The following NRG3 variants were observed in gnomAD, a reference collection of about 807,000 sequenced individuals.
NRG3 encodes pro-neuregulin-3, membrane-bound isoform.
A neutral mutation model predicts 66.9 loss-of-function variants in NRG3; 31 were observed. That is an observed-to-expected ratio of 0.46 (90% CI 0.35 to 0.63). NRG3 has a LOEUF of 0.63. Ranked by LOEUF, NRG3 falls within the 20% of genes least tolerant of loss-of-function variation. NRG3 has a pLI of 0.00. For missense variants in NRG3, 910 were observed against 878.9 expected (o/e 1.04, Z -0.45); for synonymous variants, 393 against 359.4 (o/e 1.09, Z -1.06).
At chr10:81,879,145 C>G (rs1196502932) in intron 1 of NRG3, among the ~76,000 whole-genome samples, 1 of 152,202 alleles carries the variant, frequency 6.6e-6, no homozygotes, top group East Asian at 1.9e-4. Flanking sequence ...CCAAAACTTT[C>G]TTCAGCGTTC....
Position 82,394,662 on chromosome 10 carries a change from A to G in NRG3, c.953+35794A>G, listed in dbSNP as rs193102659. Reference sequence around the variant, plus strand: ...ATATCAGCAGTATTTTATTAAAACCATTAGTAAAATACAGAGAATATCTAA... The same window carrying G: ...ATATCAGCAGTATTTTATTAAAACCGTTAGTAAAATACAGAGAATATCTAA... On this transcript the variant is annotated intron_variant, in intron 2 of 8. Transcript: ENST00000372141. Among the ~76,000 whole-genome samples the G allele has an allele frequency of 2.0e-4, 30 of 152,304 alleles. No homozygotes were observed. The East Asian group carries it at 4.4e-3, about 23-fold the overall frequency.
At chr10:82,982,479 T>C (rs949349618) in intron 8 of NRG3, among the ~76,000 whole-genome samples, 1 of 152,194 alleles carries the variant, frequency 6.6e-6, no homozygotes, top group African/African-American at 2.4e-5. Flanking sequence ...TTGAATCCTC[T>C]GACTCAGAAT....
intron 2 of NRG3, among the ~76,000 whole-genome samples, chr10:82,477,662 G>T (rs1841902167): frequency 6.6e-6 from 1 of 152,202 alleles, no homozygotes; most frequent in South Asian, 2.1e-4. Flanking sequence ...GCAGGCAAGA[G>T]ATGAGAACAG....
At chr10:81,925,141 A>G (rs140238048) in intron 1 of NRG3, among the ~76,000 whole-genome samples, 111 of 152,334 alleles carry the variant, frequency 7.3e-4, no homozygotes, top group African/African-American at 2.5e-3. Context: ...ACCACCAATT[A>G]TACTGGCAGA....
chr10:82,365,705 A>G (rs2084476065), intron 2 of NRG3, among the ~76,000 whole-genome samples: 1 of 152,028 alleles, frequency 6.6e-6, no homozygotes, highest in Non-Finnish European at 1.5e-5. Flanking sequence ...TTTAAGTATC[A>G]TGCAAAAAAA....
At chr10:82,209,951 A>G (rs907346847) in intron 1 of NRG3, among the ~76,000 whole-genome samples, 4 of 152,170 alleles carry the variant, frequency 2.6e-5, no homozygotes, top group African/African-American at 9.7e-5. Flanking sequence ...TCAAGGATAT[A>G]TATTTTCAAT....
chr10:82,103,973 CTT>C (rs35702929), intron 1 of NRG3, among the ~76,000 whole-genome samples: 14 of 143,722 alleles, frequency 9.7e-5, no homozygotes, highest in African/African-American at 1.3e-4. Context: ...TTTCTCGTGC[CTT>C]TTTTTTTTTT....
At chr10:82,984,056 G>A (rs977423307) in intron 8 of NRG3, among the ~76,000 whole-genome samples, 1 of 152,222 alleles carries the variant, frequency 6.6e-6, no homozygotes, top group Admixed American at 6.5e-5. Context: ...GTCGAGGAAA[G>A]GAGATTTATT....
At position 82,203,768 on chromosome 10, in the gene NRG3, G is replaced by A. The variant is rs140463869; in HGVS notation, c.824-154971G>A. 1.9e-3 allele frequency among the ~76,000 whole-genome samples: 282 copies of A among 152,224 alleles called. 1 individual carries two copies. The highest frequency in any genetic ancestry group is 6.2e-3 in the African/African-American group (258 of 41,552). Reference sequence around the variant, plus strand: ...ATAAATCAAAAACAGGATGTTCTTTGATGAACAAGGAATCAACAATGAAAG... The same window carrying A: ...ATAAATCAAAAACAGGATGTTCTTTAATGAACAAGGAATCAACAATGAAAG... On this transcript the variant is annotated intron_variant, in intron 1 of 8. Coordinates refer to ENST00000372141, the MANE Select transcript of NRG3 (RefSeq NM_001010848.4).
chr10:82,324,421 T>A (rs2081752036), intron 1 of NRG3, among the ~76,000 whole-genome samples: 1 of 152,136 alleles, frequency 6.6e-6, no homozygotes, highest in Non-Finnish European at 1.5e-5. Flanking sequence ...TTTTAAAAAA[T>A]TTCTGACTTC....
intron 3 of NRG3, among the ~76,000 whole-genome samples, chr10:82,750,139 A>C (rs1371767131): frequency 6.6e-6 from 1 of 152,168 alleles, no homozygotes; most frequent in Non-Finnish European, 1.5e-5. Context: ...TAAATAGCAG[A>C]ATTACCTATT....
rs530802818 is a variant in NRG3 at position 82,903,756 on chromosome 10, G to T, written c.1054+38319G>T. ...AATCTACTATTTATGTTATCTTAAGGCTTCTGGTCAACATTAGGCTATTAG... is the reference window on the plus strand; with the variant it reads ...AATCTACTATTTATGTTATCTTAAGTCTTCTGGTCAACATTAGGCTATTAG... On this transcript the variant is annotated intron_variant, in intron 4 of 8. Transcript: ENST00000372141. Among the ~76,000 whole-genome samples the T allele has an allele frequency of 3.3e-5, 5 of 152,026 alleles. No homozygotes were observed. In the South Asian group the frequency reaches 1.0e-3, roughly 32 times the overall value.
intron 1 of NRG3, among the ~76,000 whole-genome samples, chr10:81,960,711 C>T (rs566130853): frequency 6.6e-5 from 10 of 151,378 alleles, no homozygotes; most frequent in African/African-American, 2.4e-4. Context: ...CTGGGCGTTC[C>T]TTTGCCATAG....
chr10:82,013,958 T>G (rs1382875901), intron 1 of NRG3, among the ~76,000 whole-genome samples: 1 of 152,188 alleles, frequency 6.6e-6, no homozygotes, highest in African/African-American at 2.4e-5. Context: ...AAGTCAATAG[T>G]TCTCAGGCAT....
At chr10:82,500,606 T>A (rs1440174621) in intron 2 of NRG3, among the ~76,000 whole-genome samples, 1 of 150,724 alleles carries the variant, frequency 6.6e-6, no homozygotes, top group Non-Finnish European at 1.5e-5. Context: ...ATCCTTTCAG[T>A]GGGTCTTTAG....
intron 5 of NRG3, among the ~76,000 whole-genome samples, chr10:82,954,976 G>A (rs1849900873): frequency 6.6e-6 from 1 of 151,802 alleles, no homozygotes; most frequent in African/African-American, 2.4e-5. Context: ...AAGTCTTCCA[G>A]GATTCTAAGG....
intron 4 of NRG3, among the ~76,000 whole-genome samples, chr10:82,874,783 C>T (rs182391803): frequency 6.6e-6 from 1 of 152,310 alleles, no homozygotes; most frequent in East Asian, 1.9e-4. Flanking sequence ...ATCTGTCTTT[C>T]TCCAGAGCTC....
chr10:81,938,024 C>G (rs1848045443), intron 1 of NRG3, among the ~76,000 whole-genome samples: 1 of 152,084 alleles, frequency 6.6e-6, no homozygotes. Flanking sequence ...GTAGTCTTGA[C>G]ACTCTTGTTG....
intron 1 of NRG3, among the ~76,000 whole-genome samples, chr10:82,169,306 G>C (rs2072366624): frequency 6.6e-6 from 1 of 151,916 alleles, no homozygotes; most frequent in African/African-American, 2.4e-5. Context: ...TTTTTCAAGA[G>C]TGGCTATCTT....
Sources: gnomAD v4.1 joint callset for allele counts (sites outside exome capture counted in the v4.1 genomes callset) on GRCh38, gnomAD v4.1.1 for gene constraint, MANE v1.5 for transcripts, NCBI Gene and HGNC (gene_info 2026-07-23, HGNC 2026-07-21) for gene names.